The following C20orf202 variants were observed in gnomAD, a reference collection of about 807,000 sequenced individuals.
C20orf202 encodes chromosome 20 open reading frame 202.
C20orf202 carries 5 observed loss-of-function variants against 5.3 expected under a neutral mutation model. That is an observed-to-expected ratio of 0.94 (90% CI 0.49 to 1.98). C20orf202 has a LOEUF of 1.98. C20orf202 is among the 30% of genes most tolerant of loss of function. The pLI is 0.01. For synonymous variants in C20orf202, 48 were observed against 50.0 expected, an observed-to-expected ratio of 0.96 and a Z score of 0.16; for missense variants, 135 against 123.5, an observed-to-expected ratio of 1.09 and a Z score of -0.44.
rs1394715176 is a variant in C20orf202 at position 1,207,067 on chromosome 20, C to T, written c.265C>T (p.Arg89Ter). Residue 89 changes from arginine to a stop codon, truncating the protein, a stop_gained, in exon 2 of 2, where the codon CGA becomes TGA. Coordinates refer to ENST00000400633, the MANE Select transcript of C20orf202 (RefSeq NM_001394958.1). LOFTEE classifies it high-confidence loss of function. ...CTCAAGGGGTCTGGCCCAGCTCCTC[C>T]GAGGGGAAGACAGCAGACGAAGCTC... ...VCSRGLAQLL[R>*]GEDSRRSSLP The T allele has an allele frequency of 6.6e-7, 1 of 1,525,988 alleles. No homozygotes were observed. The allele number at this position is 1,525,988 out of a possible 1,614,324, so 94.5% of individuals were successfully genotyped here.
Position 1,203,501 on chromosome 20 carries a change from T to C in C20orf202, c.-85T>C. 2.6e-6 allele frequency: 4 copies of C among 1,534,924 alleles called. No individual in the cohort carries two copies. The highest frequency in any genetic ancestry group is 3.5e-6 in the Non-Finnish European group (4 of 1,139,146). On this transcript the variant is annotated 5_prime_UTR_variant, in exon 1 of 2. Coordinates refer to ENST00000400633, the MANE Select transcript of C20orf202 (RefSeq NM_001394958.1). ...ATTTGGCCAGAACCTGCTGCCAGTC[T>C]GAAAGAGTTGGGGGAATGTACAAGT...
intron 1 of C20orf202, among the ~76,000 whole-genome samples, chr20:1,205,099 G>A (rs1568504903): frequency 6.8e-6 from 1 of 146,386 alleles, no homozygotes; most frequent in South Asian, 2.2e-4. Context: ...TTTGCTTCAC[G>A]TCTTTCCTTT....
intron 1 of C20orf202, among the ~76,000 whole-genome samples, chr20:1,206,045 C>T (rs1385607962): frequency 4.0e-5 from 6 of 151,302 alleles, no homozygotes; most frequent in East Asian, 1.9e-4. Context: ...ACAGTGAGAC[C>T]CCGCCTCAAA....
chr20:1,203,578 A>G lies in C20orf202; in HGVS notation c.-8A>G. The G allele has an allele frequency of 1.3e-6, 2 of 1,551,746 alleles. No homozygotes were observed. Among genetic ancestry groups the G allele is most frequent in the Non-Finnish European group, 1.7e-6 (2 of 1,146,982 alleles). ...GTCAGTGTCAAGGTCACTCCTAAGA[A>G]CACTGAGATGAAAATAGCAGAAGAG... On this transcript the variant is annotated 5_prime_UTR_variant, in exon 1 of 2. Coordinates refer to ENST00000400633, the MANE Select transcript of C20orf202 (RefSeq NM_001394958.1).
At position 1,203,599 on chromosome 20, in the gene C20orf202, A is replaced by G; in HGVS notation, c.14A>G (p.Glu5Gly). The G allele has an allele frequency of 6.4e-7, 1 of 1,551,626 alleles. No homozygotes were observed. The highest frequency in any genetic ancestry group is 8.7e-7 in the Non-Finnish European group (1 of 1,146,964). Residue 5 changes from glutamate to glycine, a missense_variant, in exon 1 of 2, where the codon GAA (glutamate) becomes GGA (glycine). Transcript: ENST00000400633. MKIA[E>G]EPSPSLGQTL... ...AAGAACACTGAGATGAAAATAGCAG[A>G]AGAGCCCAGCCCGAGTCTTGGGCAG...
chr20:1,205,848 G>A (rs1472033295), intron 1 of C20orf202, among the ~76,000 whole-genome samples: 1 of 152,166 alleles, frequency 6.6e-6, no homozygotes, highest in Non-Finnish European at 1.5e-5. Context: ...GATCGCGTGA[G>A]CCCAGGAGTC....
chr20:1,206,043 AC>A (rs931017618), intron 1 of C20orf202, among the ~76,000 whole-genome samples: 3 of 152,020 alleles, frequency 2.0e-5, no homozygotes, highest in Non-Finnish European at 4.4e-5. Flanking sequence ...ACACAGTGAG[AC>A]CCCGCCTCAA....
At chr20:1,204,263 A>G (rs939407899) in intron 1 of C20orf202, among the ~76,000 whole-genome samples, 2 of 152,138 alleles carry the variant, frequency 1.3e-5, no homozygotes, top group Non-Finnish European at 2.9e-5. Context: ...CAATTACGCC[A>G]GACATTGTAT....
At chr20:1,204,755 G>A (rs1008173025) in intron 1 of C20orf202, among the ~76,000 whole-genome samples, 1 of 152,230 alleles carries the variant, frequency 6.6e-6, no homozygotes, top group Non-Finnish European at 1.5e-5. Flanking sequence ...TCACCCCAGA[G>A]GAAGGGCTGA....
chr20:1,205,159 G>A (rs1290285581), intron 1 of C20orf202, among the ~76,000 whole-genome samples: 1 of 148,236 alleles, frequency 6.7e-6, no homozygotes, highest in Admixed American at 6.8e-5. Flanking sequence ...AGGCTGGAGT[G>A]TAGTGGCACG....
rs2087141029 is a variant in C20orf202, at chr20:1,208,220, G to A, written c.*1118G>A. 1 of 152,150 alleles carries A rather than the reference G, an allele frequency of 6.6e-6. No homozygotes were observed. Among genetic ancestry groups the A allele is most frequent in the Non-Finnish European group, 1.5e-5 (1 of 68,018 alleles). 9.4% of individuals were successfully genotyped at this position (152,150 alleles called of 1,614,324 possible). On this transcript the variant is annotated 3_prime_UTR_variant, in exon 2 of 2. Transcript: ENST00000400633. ...CAGTCATAACTGAAAAATTGTATCT[G>A]CCTATAAGAAAGACTAAAACAGAAA... is the stretch of plus-strand genomic sequence containing the variant.
intron 1 of C20orf202, 63 bp downstream of exon 1, chr20:1,203,714 T>C: frequency 6.7e-7 from 1 of 1,495,474 alleles, no homozygotes; most frequent in Non-Finnish European, 8.9e-7. Context: ...ATCTCTGGTT[T>C]TCCTTCCCGG....
rs893061451 is a variant in C20orf202, at chr20:1,207,414, T to A, written c.*312T>A. 18 of 252,406 alleles carry A rather than the reference T, an allele frequency of 7.1e-5. No homozygotes were observed. Among genetic ancestry groups the A allele is most frequent in the Admixed American group, 1.6e-4 (3 of 18,320 alleles). The allele number at this position is 252,406 out of a possible 1,614,324, so 15.6% of individuals were successfully genotyped here. A position where few individuals can be genotyped will look rare whatever the true frequency, so the allele number is the denominator to read the frequency against. On this transcript the variant is annotated 3_prime_UTR_variant, in exon 2 of 2. Transcript: ENST00000400633. ...GGCAGTAACCCTATCCTTGGGAATT[T>A]TTCACAAGGCAATTGTTAAAACAAA...
chr20:1,207,318 T>C lies in C20orf202; in HGVS notation c.*216T>C. 1 of 463,182 alleles carries C rather than the reference T, an allele frequency of 2.2e-6. No homozygotes were observed. Among genetic ancestry groups the C allele is most frequent in the Non-Finnish European group, 3.9e-6 (1 of 256,592 alleles). 28.7% of individuals were successfully genotyped at this position (463,182 alleles called of 1,614,324 possible). On this transcript the variant is annotated 3_prime_UTR_variant, in exon 2 of 2. Coordinates refer to ENST00000400633, the MANE Select transcript of C20orf202 (RefSeq NM_001394958.1). ...TTGGGATTTCTTGGTGAGGCACACATAAGGTATTGGATGTGAACACACTTT... is the reference window on the plus strand; with the variant it reads ...TTGGGATTTCTTGGTGAGGCACACACAAGGTATTGGATGTGAACACACTTT...
At chr20:1,206,128 G>A (rs2087130664) in intron 1 of C20orf202, among the ~76,000 whole-genome samples, 1 of 152,120 alleles carries the variant, frequency 6.6e-6, no homozygotes, top group African/African-American at 2.4e-5. Context: ...AGGAAAAAAT[G>A]GGAGAAAGAA....
chr20:1,208,454 T>A lies in C20orf202; in HGVS notation c.*1352T>A, dbSNP rs1249280802. Among the ~76,000 whole-genome samples the A allele has an allele frequency of 2.0e-5, 3 of 152,208 alleles. No homozygotes were observed. Among genetic ancestry groups the A allele is most frequent in the Middle Eastern group, 3.2e-3 (1 of 316 alleles). On this transcript the variant is annotated 3_prime_UTR_variant, in exon 2 of 2. Transcript: ENST00000400633. Reference sequence around the variant, plus strand: ...CCTGTGATTTTTGTATTTGGTAATATAAATGATACCTGCTCTGTGATGCTG... The same window carrying A: ...CCTGTGATTTTTGTATTTGGTAATAAAAATGATACCTGCTCTGTGATGCTG...
At chr20:1,204,418 TG>T (rs2087123278) in intron 1 of C20orf202, among the ~76,000 whole-genome samples, 1 of 152,212 alleles carries the variant, frequency 6.6e-6, no homozygotes, top group African/African-American at 2.4e-5. Flanking sequence ...AGCTCGTTCC[TG>T]TCTCTCATTT....
At chr20:1,206,770 CA>C (rs1944516534) in intron 1 of C20orf202, 98 bp from the exon 2 acceptor site, 2 of 743,850 alleles carry the variant, frequency 2.7e-6, no homozygotes, top group African/African-American at 3.5e-5. Flanking sequence ...GTGCGAATCA[CA>C]AGTGGGCTGG....
chr20:1,206,713 G>T (rs148637469), intron 1 of C20orf202, among the ~76,000 whole-genome samples, 156 bp from the exon 2 acceptor site: 236 of 152,386 alleles, frequency 1.5e-3, no homozygotes, highest in African/African-American at 5.4e-3. Context: ...TTTCTGCTTT[G>T]CAGAGCAAGA....
Sources: allele counts gnomAD v4.1 joint callset (sites outside exome capture counted in the v4.1 genomes callset), GRCh38; gene constraint gnomAD v4.1.1; transcripts MANE v1.5; gene names NCBI Gene and HGNC (gene_info 2026-07-23, HGNC 2026-07-21).